Variants in RHPN2 observed in about 807,000 individuals in gnomAD.
RHPN2 encodes rhophilin Rho GTPase binding protein 2, also known as rhophilin-2.
RHPN2 carries 40 observed loss-of-function variants against 79.0 expected under a neutral mutation model. The ratio of observed to expected loss-of-function variants is 0.51; its 90% CI spans 0.39 to 0.66. The LOEUF (loss-of-function observed/expected upper bound fraction) is 0.66. Ranked by LOEUF, RHPN2 falls within the 30% of genes least tolerant of loss-of-function variation. RHPN2 has a pLI of 0.00. For missense variants in RHPN2, 686 were observed against 883.5 expected, an observed-to-expected ratio of 0.78 and a Z score of 2.83; for synonymous variants, 285 against 363.5, an observed-to-expected ratio of 0.78 and a Z score of 2.46.
At chr19:32,997,163 TGCTGGGATGACAGGCGTGAGTCACCGC>T (rs1971709167) in intron 10 of RHPN2, among the ~76,000 whole-genome samples, 1 of 152,170 alleles carries the variant, frequency 6.6e-6, no homozygotes, top group South Asian at 2.1e-4. Context: ...CCTCCCAGAC[TGCTGGGATGACAGGCGTGAGTCACCGC>T]GCCCAGCCCA....
rs1599831698 is a variant in RHPN2, at chr19:33,042,907, C to T, written c.185+1342G>A. On this transcript the variant is annotated intron_variant, in intron 2 of 14. Transcript: ENST00000254260. ...CAGCCTGGCCAAGTTGGTGAAACCT[C>T]GTCTCTACTAAAAATACAAAAATGA... is the stretch of plus-strand genomic sequence containing the variant. 2.0e-5 allele frequency among the ~76,000 whole-genome samples: 3 copies of T among 152,070 alleles called. No individual in the cohort carries two copies. In the South Asian group the frequency reaches 6.2e-4, roughly 32 times the overall value.
intron 4 of RHPN2, among the ~76,000 whole-genome samples, chr19:33,015,256 C>T (rs1447735781): frequency 1.3e-5 from 2 of 151,816 alleles, no homozygotes; most frequent in African/African-American, 4.8e-5. Flanking sequence ...GAAACCCTGT[C>T]TCTACTAAAA....
intron 2 of RHPN2, among the ~76,000 whole-genome samples, chr19:33,038,988 T>G (rs891806928): frequency 2.0e-5 from 3 of 152,104 alleles, no homozygotes; most frequent in African/African-American, 7.2e-5. Flanking sequence ...GTAATACATG[T>G]GTATGTTGCA....
intron 7 of RHPN2, 94 bp downstream of exon 7, chr19:33,007,920 G>A (rs561759631): frequency 3.8e-5 from 53 of 1,401,444 alleles, no homozygotes; most frequent in South Asian, 2.5e-4. Context: ...TGGCCCTTGC[G>A]AGGGATGACC....
chr19:32,984,011 G>C (rs1290962228), intron 14 of RHPN2, among the ~76,000 whole-genome samples: 1 of 152,176 alleles, frequency 6.6e-6, no homozygotes, highest in Non-Finnish European at 1.5e-5. Flanking sequence ...GCTTTACAGA[G>C]CACAGTTTAA....
intron 12 of RHPN2, chr19:32,992,288 C>A: frequency 3.2e-6 from 1 of 313,522 alleles, no homozygotes. Flanking sequence ...ACTGCAGCCT[C>A]TGCCTCCCGG....
At chr19:33,026,435 T>G in intron 3 of RHPN2, 69 bp downstream of exon 3, 1 of 1,584,628 alleles carries the variant, frequency 6.3e-7, no homozygotes, top group Non-Finnish European at 8.6e-7. Context: ...GACCTCTTTG[T>G]GCAGCACCCT....
chr19:33,043,337 G>A (rs1298834453), intron 2 of RHPN2, among the ~76,000 whole-genome samples: 1 of 151,998 alleles, frequency 6.6e-6, no homozygotes, highest in Non-Finnish European at 1.5e-5. Flanking sequence ...GATCACTTGA[G>A]GCCAGGCGTT....
chr19:33,002,113 G>A, intron 9 of RHPN2, 134 bp downstream of exon 9: 1 of 1,115,630 alleles, frequency 9.0e-7, no homozygotes. Context: ...CCTCAGTCAT[G>A]GGTCACTCCC....
At chr19:33,005,968 A>T (rs765093667) in intron 7 of RHPN2, among the ~76,000 whole-genome samples, 1 of 151,958 alleles carries the variant, frequency 6.6e-6, no homozygotes, top group Non-Finnish European at 1.5e-5. Context: ...ATCTTGGCTT[A>T]CCACAACCTC....
chr19:32,990,978 G>A (rs899293480), intron 13 of RHPN2, among the ~76,000 whole-genome samples: 7 of 148,528 alleles, frequency 4.7e-5, no homozygotes, highest in African/African-American at 1.7e-4. Flanking sequence ...GCAGTGAGCC[G>A]AGATCGTGCC....
chr19:33,043,497 A>G (rs1200236036), intron 2 of RHPN2, among the ~76,000 whole-genome samples: 2 of 152,294 alleles, frequency 1.3e-5, no homozygotes, highest in Admixed American at 6.5e-5. Context: ...GGTTGCAGTG[A>G]GCCGAGATCA....
intron 11 of RHPN2, among the ~76,000 whole-genome samples, chr19:32,995,390 T>C (rs1326473436): frequency 6.6e-6 from 1 of 152,012 alleles, no homozygotes; most frequent in African/African-American, 2.4e-5. Flanking sequence ...TCATTATTAA[T>C]GTGGTATGAG....
chr19:33,000,411 G>C (rs1015436447), intron 9 of RHPN2, among the ~76,000 whole-genome samples: 6 of 151,110 alleles, frequency 4.0e-5, no homozygotes, highest in African/African-American at 1.5e-4. Flanking sequence ...AGTAGAGATG[G>C]GGTTTCAGCA....
intron 14 of RHPN2, among the ~76,000 whole-genome samples, chr19:32,984,857 T>C (rs1348857753): frequency 6.6e-5 from 10 of 152,116 alleles, no homozygotes; most frequent in Admixed American, 6.6e-4. Context: ...CCTGTAATCC[T>C]AACACTTTGG....
intron 1 of RHPN2, among the ~76,000 whole-genome samples, chr19:33,046,276 G>A (rs1024118192): frequency 6.6e-6 from 1 of 151,868 alleles, no homozygotes; most frequent in Middle Eastern, 3.2e-3. Context: ...TTTTGATTCT[G>A]TTTTTTTGAG....
intron 10 of RHPN2, among the ~76,000 whole-genome samples, chr19:32,998,923 T>A (rs1220161870): frequency 1.2e-5 from 1 of 83,586 alleles, no homozygotes; most frequent in Non-Finnish European, 2.2e-5. Flanking sequence ...GAGCGGAGGG[T>A]AACAGGGGAG....
intron 1 of RHPN2, among the ~76,000 whole-genome samples, chr19:33,052,434 C>G (rs1261415795): frequency 2.6e-5 from 4 of 152,220 alleles, no homozygotes; most frequent in African/African-American, 9.6e-5. Flanking sequence ...CCAGAGAGAC[C>G]TTCCCACGGG....
intron 1 of RHPN2, among the ~76,000 whole-genome samples, chr19:33,057,491 A>G (rs1366733954): frequency 6.6e-6 from 1 of 151,616 alleles, no homozygotes; most frequent in East Asian, 2.0e-4. Flanking sequence ...GGAGTTCGAG[A>G]CCAACATGGA....
Sources: allele counts gnomAD v4.1 joint callset (sites outside exome capture counted in the v4.1 genomes callset), GRCh38; gene constraint gnomAD v4.1.1; transcripts MANE v1.5; gene names NCBI Gene and HGNC (gene_info 2026-07-23, HGNC 2026-07-21).